Variants in CSMD1 observed in about 807,000 individuals in gnomAD.
The protein encoded by CSMD1 is CUB and Sushi multiple domains 1.
Under a neutral mutation model 417.5 loss-of-function variants are expected in CSMD1, and 213 were observed. That is an observed-to-expected ratio of 0.51 (90% CI 0.46 to 0.57). The LOEUF (loss-of-function observed/expected upper bound fraction) is 0.57. Among genes scored for constraint, CSMD1 ranks in the 20% least tolerant of loss-of-function variants. The pLI is 0.00. For missense variants in CSMD1, 6,923 were observed against 4,529.7 expected, an observed-to-expected ratio of 1.53 and a Z score of -15.17; for synonymous variants, 2,862 against 1,736.8, an observed-to-expected ratio of 1.65 and a Z score of -16.11.
intron 1 of CSMD1, among the ~76,000 whole-genome samples, chr8:4,667,643 A>G (rs976118847): frequency 6.6e-6 from 1 of 152,232 alleles, no homozygotes; most frequent in African/African-American, 2.4e-5. Flanking sequence ...TTAAAAAAAT[A>G]CAAATTCTAA....
intron 5 of CSMD1, among the ~76,000 whole-genome samples, chr8:3,907,343 T>C (rs1050205169): frequency 1.3e-5 from 2 of 152,204 alleles, no homozygotes; most frequent in African/African-American, 4.8e-5. Flanking sequence ...AAGTTATAAT[T>C]AGAAAAAACA....
chr8:3,026,435 C>A (rs1192685062), intron 51 of CSMD1, among the ~76,000 whole-genome samples: 2 of 151,772 alleles, frequency 1.3e-5, no homozygotes, highest in Admixed American at 1.3e-4. Flanking sequence ...CTTCACTGGG[C>A]CTCACTGGGC....
intron 5 of CSMD1, among the ~76,000 whole-genome samples, chr8:3,775,742 T>G (rs1048918720): frequency 6.6e-6 from 1 of 152,212 alleles, no homozygotes; most frequent in Non-Finnish European, 1.5e-5. Flanking sequence ...TGATATGAAC[T>G]ATAAACTTGT....
intron 2 of CSMD1, among the ~76,000 whole-genome samples, chr8:4,449,732 C>T (rs902619610): frequency 1.6e-4 from 24 of 152,018 alleles, no homozygotes; most frequent in African/African-American, 1.7e-4. Flanking sequence ...AGAATAGGGT[C>T]GGGTGTAGAA....
intron 5 of CSMD1, among the ~76,000 whole-genome samples, chr8:3,903,172 G>A (rs537923418): frequency 2.6e-5 from 4 of 152,192 alleles, no homozygotes; most frequent in African/African-American, 7.2e-5. Flanking sequence ...TTTAGCGATT[G>A]AGTATTAAGT....
At chr8:4,383,646 G>C (rs1803250128) in intron 3 of CSMD1, among the ~76,000 whole-genome samples, 2 of 152,258 alleles carry the variant, frequency 1.3e-5, no homozygotes, top group South Asian at 2.1e-4. Flanking sequence ...ATGTACTTCA[G>C]TGTTCAGAGA....
chr8:4,870,396 G>C (rs1014231472), intron 1 of CSMD1, among the ~76,000 whole-genome samples: 1 of 152,124 alleles, frequency 6.6e-6, no homozygotes, highest in Non-Finnish European at 1.5e-5. Flanking sequence ...CCCTTCAACA[G>C]AGCTAGACCT....
chr8:4,227,017 C>G (rs1424402701), intron 3 of CSMD1, among the ~76,000 whole-genome samples: 7 of 152,168 alleles, frequency 4.6e-5, no homozygotes, highest in Non-Finnish European at 8.8e-5. Context: ...GTCATTATCT[C>G]TGCAGGTGAG....
At chr8:4,736,937 C>T (rs1191019967) in intron 1 of CSMD1, among the ~76,000 whole-genome samples, 2 of 152,180 alleles carry the variant, frequency 1.3e-5, no homozygotes, top group East Asian at 3.8e-4. Context: ...TCCTGGGGCT[C>T]AGTCACAGCA....
At chr8:2,953,223 A>G (rs1003082105) in intron 65 of CSMD1, among the ~76,000 whole-genome samples, 11 of 152,204 alleles carry the variant, frequency 7.2e-5, no homozygotes, top group Admixed American at 4.6e-4. Context: ...GTAATATTTA[A>G]ATAAAATAGT....
intron 3 of CSMD1, among the ~76,000 whole-genome samples, chr8:4,121,643 A>G (rs1043587050): frequency 6.6e-6 from 1 of 151,754 alleles, no homozygotes; most frequent in Non-Finnish European, 1.5e-5. Context: ...AAGAAGTGGG[A>G]ATTCTTAGGA....
At chr8:3,273,832 G>T (rs537722495) in intron 26 of CSMD1, among the ~76,000 whole-genome samples, 3 of 151,388 alleles carry the variant, frequency 2.0e-5, no homozygotes, top group Non-Finnish European at 4.4e-5. Flanking sequence ...TTTTTTCTTA[G>T]TCTTGCTAGT....
intron 3 of CSMD1, among the ~76,000 whole-genome samples, chr8:4,182,032 GTGTGTGTGTGTC>G (rs1563234587): frequency 1.7e-5 from 2 of 118,116 alleles, no homozygotes; most frequent in African/African-American, 5.6e-5. Context: ...ACCCGTGTGT[GTGTGTGTGTGTC>G]GGTGTGTGTG....
intron 1 of CSMD1, among the ~76,000 whole-genome samples, chr8:4,708,087 G>C (rs994590670): frequency 6.6e-6 from 1 of 151,876 alleles, no homozygotes; most frequent in African/African-American, 2.4e-5. Flanking sequence ...GGGAGAACAG[G>C]CATCTGCCAA....
At chr8:4,189,190 C>T (rs918167524) in intron 3 of CSMD1, among the ~76,000 whole-genome samples, 37 of 152,188 alleles carry the variant, frequency 2.4e-4, no homozygotes, top group Non-Finnish European at 1.0e-4. Flanking sequence ...CGTAAGTGCC[C>T]AGCTATGCAA....
At chr8:3,406,367 G>A (rs1012564936) in intron 14 of CSMD1, 146 bp from the exon 15 acceptor site, 3 of 417,976 alleles carry the variant, frequency 7.2e-6, no homozygotes, top group African/African-American at 6.8e-5. Flanking sequence ...TTCATAGATA[G>A]ATAATACATT....
chr8:3,206,476 GTGCGTGTA>G, intron 30 of CSMD1, among the ~76,000 whole-genome samples: 1 of 19,868 alleles, frequency 5.0e-5, no homozygotes, highest in African/African-American at 1.4e-4. Flanking sequence ...GGTTATGTCT[GTGCGTGTA>G]TGTGTGTGTG....
At chr8:4,348,593 G>A (rs972133691) in intron 3 of CSMD1, among the ~76,000 whole-genome samples, 6 of 144,926 alleles carry the variant, frequency 4.1e-5, no homozygotes, top group Non-Finnish European at 7.5e-5. Flanking sequence ...ATGCATGTGT[G>A]TGTGCGTGGG....
intron 49 of CSMD1, among the ~76,000 whole-genome samples, chr8:3,074,436 C>T (rs773302210): frequency 1.3e-5 from 2 of 152,220 alleles, no homozygotes; most frequent in African/African-American, 2.4e-5. Flanking sequence ...TCGGTCACCC[C>T]ACCTCCTCTT....
Sources: gnomAD v4.1 joint callset for allele counts (sites outside exome capture counted in the v4.1 genomes callset) on GRCh38, gnomAD v4.1.1 for gene constraint, MANE v1.5 for transcripts, NCBI Gene and HGNC (gene_info 2026-07-23, HGNC 2026-07-21) for gene names.